The following KANK1 variants were observed in gnomAD, a reference collection of about 807,000 sequenced individuals.
KANK1 encodes the protein KN motif and ankyrin repeat domain-containing protein 1.
Under a neutral mutation model 106.2 loss-of-function variants are expected in KANK1, and 109 were observed. The ratio of observed to expected loss-of-function variants is 1.03; its 90% CI spans 0.88 to 1.20. KANK1 has a LOEUF of 1.20. KANK1 is among the 50% of genes most tolerant of loss of function. KANK1 has a pLI of 0.00. For missense variants in KANK1, 2,399 were observed against 1,710.7 expected (o/e 1.40, Z -7.10); for synonymous variants, 873 against 652.2 (o/e 1.34, Z -5.16).
At chr9:725,182 C>T (rs183602520) in intron 3 of KANK1, among the ~76,000 whole-genome samples, 5 of 152,216 alleles carry the variant, frequency 3.3e-5, no homozygotes, top group Non-Finnish European at 5.9e-5. Flanking sequence ...TGTGAGTTCT[C>T]GTTCAGCTCT....
At chr9:493,266 G>A (rs1462875010) in intron 3 of KANK1, among the ~76,000 whole-genome samples, 1 of 152,124 alleles carries the variant, frequency 6.6e-6, no homozygotes, top group East Asian at 1.9e-4. Flanking sequence ...TTGGTCTGGA[G>A]AAAACCAGCT....
chr9:691,611 A>ATTTTTTTCTT lies in KANK1; in HGVS notation c.37+14609_37+14610insCTTTTTTTTT, dbSNP rs1554684788. Among the ~76,000 whole-genome samples, 10 of 71,078 alleles carry ATTTTTTTCTT rather than the reference A, an allele frequency of 1.4e-4. 1 individual carries two copies. Among genetic ancestry groups the ATTTTTTTCTT allele is most frequent in the Non-Finnish European group, 2.0e-4 (7 of 35,584 alleles). 46.6% of individuals were successfully genotyped at this position (71,078 alleles called of 152,430 possible). On this transcript the variant is annotated intron_variant, in intron 2 of 11. Transcript: ENST00000382297. ...AATAATGTAACTAAATAATACCAGA[A>ATTTTTTTCTT]TTTTTTTTTTTTTTTTTTTGAGACC...
chr9:728,809 TAA>T (rs747390730), intron 3 of KANK1, among the ~76,000 whole-genome samples: 10 of 152,190 alleles, frequency 6.6e-5, no homozygotes, highest in Non-Finnish European at 1.5e-4. Flanking sequence ...GATAATAAGT[TAA>T]CTTTTTCAAC....
At position 718,324 on chromosome 9, in the gene KANK1, T is replaced by TAC. The variant is rs1828310287; in HGVS notation, c.2698+4861_2698+4862dup. On this transcript the variant is annotated intron_variant, in intron 3 of 11. Coordinates refer to ENST00000382297, the MANE Select transcript of KANK1 (RefSeq NM_015158.5). Reference sequence around the variant, plus strand: ...TTTTTTTTTTTTTTTTTTTTTTTTTTACTCTTAAGACAGGGTCTCACTCTG... The same window carrying TAC: ...TTTTTTTTTTTTTTTTTTTTTTTTTTACACTCTTAAGACAGGGTCTCACTCTG... Among the ~76,000 whole-genome samples the TAC allele has an allele frequency of 2.3e-5, 3 of 132,128 alleles. No homozygotes were observed. In the Admixed American group the frequency reaches 2.3e-4, roughly 10 times the overall value. The allele number at this position is 132,128 out of a possible 152,430, so 86.7% of individuals were successfully genotyped here.
intron 1 of KANK1, among the ~76,000 whole-genome samples, chr9:548,234 T>G (rs945709964): frequency 6.6e-6 from 1 of 152,196 alleles, no homozygotes; most frequent in Non-Finnish European, 1.5e-5. Flanking sequence ...TAAACCACAT[T>G]ACACATCTTC....
At chr9:564,871 T>G (rs1357079533) in intron 1 of KANK1, among the ~76,000 whole-genome samples, 2 of 152,242 alleles carry the variant, frequency 1.3e-5, no homozygotes, top group Admixed American at 1.3e-4. Context: ...GTTTTTGGCT[T>G]CTCTTGGGAA....
At chr9:597,293 GTT>G (rs1159973930) in intron 1 of KANK1, among the ~76,000 whole-genome samples, 1 of 151,796 alleles carries the variant, frequency 6.6e-6, no homozygotes, top group Non-Finnish European at 1.5e-5. Flanking sequence ...TTGCAAAACT[GTT>G]TTCCACAGGG....
intron 1 of KANK1, among the ~76,000 whole-genome samples, chr9:669,210 T>C (rs1179679174): frequency 6.6e-6 from 1 of 152,220 alleles, no homozygotes; most frequent in Non-Finnish European, 1.5e-5. Flanking sequence ...CTTCTAGGTG[T>C]CATACTAGAA....
intron 9 of KANK1, among the ~76,000 whole-genome samples, 198 bp from the exon 10 acceptor site, chr9:742,007 T>G (rs374485887): frequency 1.8e-4 from 27 of 152,180 alleles, no homozygotes; most frequent in Non-Finnish European, 1.2e-4. Context: ...GGCTCCTTAC[T>G]TTATGCCCTT....
intron 2 of KANK1, among the ~76,000 whole-genome samples, chr9:702,785 C>T (rs1352590661): frequency 6.6e-6 from 1 of 152,118 alleles, no homozygotes; most frequent in Non-Finnish European, 1.5e-5. Context: ...GGTGGCCTCT[C>T]CTGTACTCAT....
At position 485,676 on chromosome 9, in the gene KANK1, C is replaced by A. The variant is rs73386727; in HGVS notation, c.-362+12403C>A. Among the ~76,000 whole-genome samples, 1,428 of 152,100 alleles carry A rather than the reference C, an allele frequency of 9.4e-3. 22 individuals are homozygous for A. The highest frequency in any genetic ancestry group is 0.033 in the African/African-American group (1,365 of 41,476). ...TCACTTCAGGTCAGGAGTTGGAGAC[C>A]AGCCCGGCCAACATGGTGGAACCTC... is the stretch of plus-strand genomic sequence containing the variant. On this transcript the variant is annotated intron_variant, in intron 3 of 15. Coordinates refer to the KANK1 transcript ENST00000382303.
At chr9:671,232 TTTTG>T (rs1385086139) in intron 1 of KANK1, among the ~76,000 whole-genome samples, 56 of 151,978 alleles carry the variant, frequency 3.7e-4, no homozygotes, top group African/African-American at 1.2e-3. Context: ...GGAGTTTTTT[TTTTG>T]TTTGTTTTTT....
chr9:570,738 G>A (rs939343744), intron 1 of KANK1, among the ~76,000 whole-genome samples: 1 of 152,164 alleles, frequency 6.6e-6, no homozygotes, highest in African/African-American at 2.4e-5. Flanking sequence ...AAATATGCAT[G>A]CTAATTAGAT....
chr9:659,558 A>C (rs1842854724), intron 1 of KANK1, among the ~76,000 whole-genome samples: 2 of 152,178 alleles, frequency 1.3e-5, no homozygotes. Flanking sequence ...GAGACTGGGT[A>C]ATTTATAAAG....
At chr9:596,248 G>T (rs1421254154) in intron 1 of KANK1, among the ~76,000 whole-genome samples, 1 of 151,844 alleles carries the variant, frequency 6.6e-6, no homozygotes, top group Non-Finnish European at 1.5e-5. Context: ...GATTAAGGAC[G>T]TTCAACTTGT....
intron 1 of KANK1, among the ~76,000 whole-genome samples, chr9:555,799 A>T (rs1014585645): frequency 6.6e-6 from 1 of 152,236 alleles, no homozygotes; most frequent in African/African-American, 2.4e-5. Flanking sequence ...GTTTCTCAAA[A>T]TACAATTAGG....
intron 2 of KANK1, among the ~76,000 whole-genome samples, chr9:686,567 A>G (rs961859821): frequency 1.3e-5 from 2 of 152,078 alleles, no homozygotes; most frequent in African/African-American, 2.4e-5. Context: ...CATTTCAACA[A>G]TGCAGCTTAC....
At chr9:657,568 T>G (rs1842425720) in intron 1 of KANK1, among the ~76,000 whole-genome samples, 1 of 151,174 alleles carries the variant, frequency 6.6e-6, no homozygotes, top group African/African-American at 2.4e-5. Flanking sequence ...TTTGTTCTTG[T>G]TTTTTTTTAA....
intron 2 of KANK1, among the ~76,000 whole-genome samples, chr9:703,953 A>G (rs978769952): frequency 4.6e-5 from 7 of 152,186 alleles, no homozygotes; most frequent in Non-Finnish European, 7.3e-5. Flanking sequence ...ACCTCAGGCA[A>G]TCTGCCCACC....
Sources: allele counts gnomAD v4.1 joint callset (sites outside exome capture counted in the v4.1 genomes callset), GRCh38; gene constraint gnomAD v4.1.1; transcripts MANE v1.5; gene names NCBI Gene and HGNC (gene_info 2026-07-23, HGNC 2026-07-21).